Variants in CLPB observed in about 807,000 individuals in gnomAD.
CLPB encodes mitochondrial disaggregase.
Under a neutral mutation model 78.4 loss-of-function variants are expected in CLPB, and 40 were observed. That is an observed-to-expected ratio of 0.51 (90% CI 0.40 to 0.66). The LOEUF (loss-of-function observed/expected upper bound fraction) is 0.66. Among genes scored for constraint, CLPB ranks in the 30% least tolerant of loss-of-function variants. The pLI, the probability that CLPB is intolerant of heterozygous loss-of-function variation, is 0.00. For missense variants in CLPB, 780 were observed against 886.9 expected, an observed-to-expected ratio of 0.88 and a Z score of 1.53; for synonymous variants, 333 against 348.0, an observed-to-expected ratio of 0.96 and a Z score of 0.48.
chr11:72,293,116 T>G lies in CLPB; in HGVS notation c.*251A>C. ...CCATCCCTCCTTGCCTTGAAGGGGG[T>G]GGAAAGGCAGCTCCTCTCCTGAAGG... On this transcript the variant is annotated 3_prime_UTR_variant, in exon 16 of 16. Coordinates refer to ENST00000538039, the MANE Select transcript of CLPB (RefSeq NM_001258392.3). 4 of 433,574 alleles carry G rather than the reference T, an allele frequency of 9.2e-6. No individual in the cohort carries two copies. The highest frequency in any genetic ancestry group is 4.0e-5 in the South Asian group (1 of 24,744). 26.9% of individuals were successfully genotyped at this position (433,574 alleles called of 1,614,324 possible).
At chr11:72,324,073 A>G (rs1950090398) in intron 6 of CLPB, among the ~76,000 whole-genome samples, 1 of 152,180 alleles carries the variant, frequency 6.6e-6, no homozygotes. Context: ...CTCTAAAATT[A>G]TGCAAAAATA....
chr11:72,347,475 C>T (rs924447480), intron 5 of CLPB, among the ~76,000 whole-genome samples: 2 of 152,090 alleles, frequency 1.3e-5, no homozygotes. Context: ...AAAGCTATCT[C>T]TTCATAGAGT....
rs1276035564 is a variant in CLPB at position 72,292,138 on chromosome 11, C to T, written c.*1229G>A. The stretch of plus-strand genomic sequence containing the variant: ...ATCCAAGCATCTGCTGGAGCTCACA[C>T]CCTGGATTCTGACTGCCTCATACCC... On this transcript the variant is annotated 3_prime_UTR_variant, in exon 16 of 16. Coordinates refer to ENST00000538039, the MANE Select transcript of CLPB (RefSeq NM_001258392.3). 1 of 152,018 alleles carries T rather than the reference C, an allele frequency of 6.6e-6. No individual in the cohort carries two copies. The highest frequency in any genetic ancestry group is 1.9e-4 in the East Asian group (1 of 5,190). The allele number at this position is 152,018 out of a possible 1,614,324, so 9.4% of individuals were successfully genotyped here.
At position 72,329,748 on chromosome 11, in the gene CLPB, C is replaced by T. The variant is rs1590802679; in HGVS notation, c.832G>A (p.Glu278Lys). The T allele has an allele frequency of 6.2e-7, 1 of 1,614,070 alleles. No homozygotes were observed. Among genetic ancestry groups the T allele is most frequent in the Non-Finnish European group, 8.5e-7 (1 of 1,179,982 alleles). Residue 278 changes from glutamate (E) to lysine (K), a missense_variant, in exon 6 of 16, where the codon GAA (glutamate) becomes AAA (lysine). By Grantham distance (56) the Glu-to-Lys change is moderately conservative. Coordinates refer to ENST00000538039, the MANE Select transcript of CLPB (RefSeq NM_001258392.3). The stretch of plus-strand genomic sequence containing the variant: ...CTCAGAAGCTTCATCACTTCCCCTT[C>T]TCGGGCATAATCCAAGGGTGTGTGT... The part of the protein sequence containing the change: ...MGHTPLDYAR[E>K]GEVMKLLRTS...
At chr11:72,297,078 C>A (rs1590757341) in intron 11 of CLPB, among the ~76,000 whole-genome samples, 1 of 152,284 alleles carries the variant, frequency 6.6e-6, no homozygotes, top group East Asian at 1.9e-4. Flanking sequence ...TCAGTTTGAT[C>A]CTCACTGGAG....
chr11:72,377,606 C>A (rs1421765039), intron 4 of CLPB, among the ~76,000 whole-genome samples: 1 of 62,518 alleles, frequency 1.6e-5, no homozygotes, highest in Non-Finnish European at 3.2e-5. Context: ...CAGAGGTTGA[C>A]CAGGAAAAAG....
At chr11:72,378,233 C>G (rs1160569750) in intron 4 of CLPB, among the ~76,000 whole-genome samples, 1 of 152,228 alleles carries the variant, frequency 6.6e-6, no homozygotes, top group East Asian at 1.9e-4. Flanking sequence ...GCCCTGCCCT[C>G]TCAACAAATG....
Position 72,286,499 on chromosome 11 carries a change from G to A in CLPB, c.*6868C>T, listed in dbSNP as rs1374170837. ...ACATCTTTTTTTTGTTTGTTTTTGAGACAGTCTCACTCTGTCATCCAGGCT... is the reference window on the plus strand; with the variant it reads ...ACATCTTTTTTTTGTTTGTTTTTGAAACAGTCTCACTCTGTCATCCAGGCT... On this transcript the variant is annotated 3_prime_UTR_variant, in exon 16 of 16. Transcript: ENST00000538039. 6.6e-6 allele frequency: 1 copy of A among 151,342 alleles called. No homozygotes were observed. Among genetic ancestry groups the A allele is most frequent in the African/African-American group, 2.4e-5 (1 of 41,152 alleles). The allele number at this position is 151,342 out of a possible 1,614,324, so 9.4% of individuals were successfully genotyped here.
intron 1 of CLPB, among the ~76,000 whole-genome samples, chr11:72,433,585 AAATAAATT>A (rs1270146581): frequency 3.5e-4 from 50 of 141,006 alleles, no homozygotes; most frequent in African/African-American, 1.2e-3. Context: ...ATAAATAAAT[AAATAAATT>A]GAGGTCAAGC....
chr11:72,294,064 G>A lies in CLPB; in HGVS notation c.1743C>T (p.Asp581=), dbSNP rs147296630. The A allele has an allele frequency of 7.8e-5, 126 of 1,614,014 alleles. No homozygotes were observed. The highest frequency in any genetic ancestry group is 4.4e-4 in the South Asian group (40 of 91,060). ...WDREVADVLV[D]GYNVHYGARS... is the part of the protein sequence containing the mutation. The stretch of plus-strand genomic sequence containing the variant: ...GGGCGCCATAGTGCACATTGTAGCC[G>A]TCGACCAGCACATCTGCCACCTCGC... The change falls in exon 15 of 16, where the codon GAC becomes GAT. Residue 581 remains aspartate, a synonymous_variant. Coordinates refer to ENST00000538039, the MANE Select transcript of CLPB (RefSeq NM_001258392.3).
intron 2 of CLPB, among the ~76,000 whole-genome samples, chr11:72,424,292 C>G (rs1018410981): frequency 1.3e-5 from 2 of 152,212 alleles, no homozygotes; most frequent in African/African-American, 4.8e-5. Context: ...TTGCCCCATG[C>G]CTGGGGGCAA....
Position 72,358,933 on chromosome 11 carries a change from T to C in CLPB, c.722A>G (p.His241Arg). Residue 241 changes from histidine to arginine, a missense_variant, in exon 5 of 16, where the codon CAC becomes CGC. This residue lies in a region of CLPB where 417 missense variants were observed against 414.7 expected (regional missense o/e 1.01). Coordinates refer to ENST00000538039, the MANE Select transcript of CLPB (RefSeq NM_001258392.3). ...RASFKGCTALHYAVLADDYRT... is the reference protein window; with the variant it reads ...RASFKGCTALRYAVLADDYRT... ...GTAGTCATCAGCAAGAACAGCATAG[T>C]GCAAGGCCGTGCAGCCCTTGAAACT... The C allele has an allele frequency of 6.2e-7, 1 of 1,612,642 alleles. No individual in the cohort carries two copies. Among genetic ancestry groups the C allele is most frequent in the Non-Finnish European group, 8.5e-7 (1 of 1,179,716 alleles).
Position 72,293,117 on chromosome 11 carries a change from G to T in CLPB, c.*250C>A. ...CATCCCTCCTTGCCTTGAAGGGGGT[G>T]GAAAGGCAGCTCCTCTCCTGAAGGC... On this transcript the variant is annotated 3_prime_UTR_variant, in exon 16 of 16. Transcript: ENST00000538039. 2.2e-6 allele frequency: 1 copy of T among 455,144 alleles called. No homozygotes were observed. The highest frequency in any genetic ancestry group is 4.0e-6 in the Non-Finnish European group (1 of 251,308). The allele number at this position is 455,144 out of a possible 1,614,324, so 28.2% of individuals were successfully genotyped here.
intron 6 of CLPB, among the ~76,000 whole-genome samples, chr11:72,318,324 C>G (rs1482973077): frequency 6.6e-6 from 1 of 152,140 alleles, no homozygotes; most frequent in African/African-American, 2.4e-5. Context: ...TTCTGGGGAA[C>G]AGGAGGCTTG....
At chr11:72,355,825 A>G (rs535615011) in intron 5 of CLPB, among the ~76,000 whole-genome samples, 6 of 152,196 alleles carry the variant, frequency 3.9e-5, no homozygotes, top group Non-Finnish European at 8.8e-5. Flanking sequence ...CTAACCCTCT[A>G]AGGTCTGGGG....
chr11:72,302,676 G>T (rs1205219733), intron 9 of CLPB: 3 of 331,688 alleles, frequency 9.0e-6, no homozygotes, highest in Non-Finnish European at 5.8e-6. Context: ...CACGTTTCCT[G>T]AGGGCATCCT....
At chr11:72,296,750 A>T (rs750495258) in intron 11 of CLPB, among the ~76,000 whole-genome samples, 20 of 152,180 alleles carry the variant, frequency 1.3e-4, no homozygotes, top group Admixed American at 1.3e-4. Context: ...GGTCTTGTTC[A>T]TCACTGTGTC....
chr11:72,381,145 C>T (rs1254520466), intron 3 of CLPB, among the ~76,000 whole-genome samples: 1 of 152,198 alleles, frequency 6.6e-6, no homozygotes, highest in Non-Finnish European at 1.5e-5. Flanking sequence ...AGATTACCTA[C>T]AGAGGGTAGG....
At chr11:72,365,148 C>T (rs1274800668) in intron 4 of CLPB, among the ~76,000 whole-genome samples, 7 of 152,166 alleles carry the variant, frequency 4.6e-5, no homozygotes, top group East Asian at 1.9e-4. Flanking sequence ...AGTGAAACCC[C>T]GTCTCTACTA....
Sources: gnomAD v4.1 joint callset for allele counts (sites outside exome capture counted in the v4.1 genomes callset) on GRCh38, gnomAD v4.1.1 for gene constraint, gnomAD v4.1.1 regional missense constraint, MANE v1.5 for transcripts, NCBI Gene and HGNC (gene_info 2026-07-23, HGNC 2026-07-21) for gene names.